ADGRG4: variants seen among roughly 807,000 people sequenced by gnomAD.
The protein encoded by ADGRG4 is adhesion G protein-coupled receptor G4, also known as G protein-coupled receptor 112.
In ADGRG4, 122 loss-of-function variants were observed where a neutral mutation model predicts 126.2. The ratio of observed to expected loss-of-function variants is 0.97; its 90% confidence interval spans 0.83 to 1.12. ADGRG4 has a LOEUF of 1.12. Among genes scored for constraint, ADGRG4 ranks in the 50% most tolerant of loss-of-function variants. The probability of loss-of-function intolerance (pLI) is 0.00; values close to 1 mark genes in which losing one functional copy is unlikely to be tolerated. For missense variants in ADGRG4, 2,481 were observed against 2,251.8 expected (o/e 1.10, Z -2.06); for synonymous variants, 943 against 838.7 (o/e 1.12, Z -2.15).
intron 3 of ADGRG4, among the ~76,000 whole-genome samples, chrX:136,305,403 C>T (rs986255425): frequency 1.8e-5 from 2 of 111,487 alleles, no homozygotes; most frequent in African/African-American, 3.3e-5. Context: ...AGTCATTCTA[C>T]CCTTGGGACC....
At chrX:136,325,495 T>C (rs765087349) in intron 5 of ADGRG4, among the ~76,000 whole-genome samples, 1 of 111,832 alleles carries the variant, frequency 8.9e-6, no homozygotes, top group South Asian at 3.7e-4. Flanking sequence ...AGGTTAAGCC[T>C]GAACAGCTCA....
intron 9 of ADGRG4, among the ~76,000 whole-genome samples, chrX:136,356,823 C>A (rs988010350): frequency 4.5e-5 from 5 of 111,498 alleles, no homozygotes; most frequent in Non-Finnish European, 7.5e-5. Context: ...CATGGGGAGA[C>A]CCCATCTCTA....
In ADGRG4 at chrX:136,346,733, G is replaced by A; in HGVS notation, c.3027G>A (p.Val1009=). 1.7e-6 allele frequency: 2 copies of A among 1,210,343 alleles called. No homozygotes were observed. Among genetic ancestry groups the A allele is most frequent in the Non-Finnish European group, 2.2e-6 (2 of 894,525 alleles). The change falls in exon 6 of 26, where the codon GTG becomes GTA. Residue 1009 remains valine (V), a synonymous_variant. Coordinates refer to ENST00000394143, the MANE Select transcript of ADGRG4 (RefSeq NM_153834.4). ...PTAAHSSATP[V]PVTHMFSLPV... ...CTGCTCATTCCTCAGCAACCCCTGT[G>A]CCTGTTACTCATATGTTCTCATTGC...
rs1289469393 is a variant in ADGRG4, at chrX:136,346,848, C to T, written c.3142C>T (p.Leu1048Phe). 1.7e-6 allele frequency: 2 copies of T among 1,207,185 alleles called. No individual in the cohort carries two copies. Among genetic ancestry groups the T allele is most frequent in the Admixed American group, 4.4e-5 (2 of 45,697 alleles). ...TLARAFSTSV[L>F]SDVSNLSSTT... Reference sequence around the variant, plus strand: ...GGCCAGGGCTTTTTCTACATCTGTGCTCTCAGATGTCTCAAATCTATCCTC... The same window carrying T: ...GGCCAGGGCTTTTTCTACATCTGTGTTCTCAGATGTCTCAAATCTATCCTC... Residue 1048 changes from leucine to phenylalanine, a missense_variant, in exon 6 of 26, where the codon CTC (leucine) becomes TTC (phenylalanine). Physicochemically the swap from Leu to Phe is conservative, Grantham distance 22. Coordinates refer to ENST00000394143, the MANE Select transcript of ADGRG4 (RefSeq NM_153834.4).
At chrX:136,407,669 T>C (rs1038149918) in intron 23 of ADGRG4, among the ~76,000 whole-genome samples, 1 of 112,202 alleles carries the variant, frequency 8.9e-6, no homozygotes, top group African/African-American at 3.2e-5. Context: ...TCACAAAATA[T>C]GTTGTTCTTC....
intron 4 of ADGRG4, among the ~76,000 whole-genome samples, chrX:136,314,354 C>T (rs1349335981): frequency 8.9e-6 from 1 of 111,909 alleles, no homozygotes; most frequent in African/African-American, 3.2e-5. Context: ...AAAAGCACTA[C>T]ATGATCTGAT....
chrX:136,403,309 C>G lies in ADGRG4; in HGVS notation c.8641C>G (p.Pro2881Ala). 8.3e-7 allele frequency: 1 copy of G among 1,198,644 alleles called. No individual in the cohort carries two copies. The highest frequency in any genetic ancestry group is 1.1e-6 in the Non-Finnish European group (1 of 883,877). The change falls in exon 22 of 26, where the codon CCA becomes GCA. Residue 2881 changes from proline (P) to alanine (A), a missense_variant. Physicochemically the swap from Pro to Ala is conservative, Grantham distance 27. Transcript: ENST00000394143. ...AAAAGATCTGTATGGAACTCTGAGC[C>G]CAACAACTCCGTTGTAAGTACCAGC... ...VKKDLYGTLS[P>A]TTPFCWIKDD...
intron 13 of ADGRG4, among the ~76,000 whole-genome samples, chrX:136,365,728 A>T (rs1482198235): frequency 1.8e-5 from 2 of 112,075 alleles, no homozygotes; most frequent in African/African-American, 6.5e-5. Flanking sequence ...CCTTGTAAAC[A>T]CTTATTACTA....
intron 11 of ADGRG4, 31 bp downstream of exon 11, chrX:136,359,486 AT>A (rs1474848194): frequency 9.3e-7 from 1 of 1,080,225 alleles, no homozygotes; most frequent in Non-Finnish European, 1.3e-6. Context: ...ATATTGCAGT[AT>A]GAACTTACTT....
Position 136,344,987 on chromosome X carries a change from A to G in ADGRG4, c.1281A>G (p.Ala427=). The G allele has an allele frequency of 8.3e-7, 1 of 1,210,964 alleles. No individual in the cohort carries two copies. The highest frequency in any genetic ancestry group is 1.1e-6 in the Non-Finnish European group (1 of 895,075). ...CLKQKSTNTG[A]LPISTAGQEF... is the part of the protein sequence containing the mutation. ...AACAAAAATCCACAAATACTGGGGCACTCCCTATCTCCACAGCTGGCCAGG... is the reference window on the plus strand; with the variant it reads ...AACAAAAATCCACAAATACTGGGGCGCTCCCTATCTCCACAGCTGGCCAGG... Residue 427 remains alanine (A), a synonymous_variant, in exon 6 of 26, where the codon GCA becomes GCG. Coordinates refer to ENST00000394143, the MANE Select transcript of ADGRG4 (RefSeq NM_153834.4).
Position 136,405,956 on chromosome X carries a change from T to A in ADGRG4, c.8919T>A (p.Ile2973=), listed in dbSNP as rs1357187771. 6 of 1,125,930 alleles carry A rather than the reference T, an allele frequency of 5.3e-6. No homozygotes were observed. Among genetic ancestry groups the A allele is most frequent in the Non-Finnish European group, 7.0e-6 (6 of 851,589 alleles). 92.8% of individuals were successfully genotyped at this position (1,125,930 alleles called of 1,213,427 possible). The change falls in exon 23 of 26, where the codon ATT becomes ATA. Residue 2973 remains isoleucine (I), a synonymous_variant. Transcript: ENST00000394143. ...ACTTTTTCTTGTATTTGTTTGCCAT[T>A]TTTAACACTTTGCAAGGTAACTGGT... ...MRNFFLYLFA[I]FNTLQGFFIF... is the part of the protein sequence containing the mutation.
chrX:136,312,580 C>A (rs1466145934), intron 4 of ADGRG4, among the ~76,000 whole-genome samples: 1 of 111,626 alleles, frequency 9.0e-6, no homozygotes, highest in East Asian at 2.8e-4. Flanking sequence ...GAGTTAAGAT[C>A]GCGTCATTGC....
intron 9 of ADGRG4, among the ~76,000 whole-genome samples, chrX:136,356,766 G>A (rs2075096155): frequency 8.9e-6 from 1 of 112,312 alleles, no homozygotes; most frequent in Non-Finnish European, 1.9e-5. Context: ...GGGAGGCTGA[G>A]GTGGGAGGAT....
At chrX:136,383,370 C>T (rs2075273544) in intron 15 of ADGRG4, among the ~76,000 whole-genome samples, 1 of 111,713 alleles carries the variant, frequency 9.0e-6, no homozygotes. Flanking sequence ...TAATACTAAT[C>T]CTACCCCTAA....
At chrX:136,374,419 A>T (rs1288855966) in intron 15 of ADGRG4, among the ~76,000 whole-genome samples, 1 of 110,510 alleles carries the variant, frequency 9.0e-6, no homozygotes, top group Non-Finnish European at 1.9e-5. Context: ...GTACATGTTT[A>T]TTATTTATTT....
Position 136,369,336 on chromosome X carries a change from G to A in ADGRG4, c.7397-1992G>A, listed in dbSNP as rs775936623. Among the ~76,000 whole-genome samples, 142 of 112,282 alleles carry A rather than the reference G, an allele frequency of 1.3e-3. 1 individual carries two copies. The highest frequency in any genetic ancestry group is 4.5e-3 in the African/African-American group (139 of 30,963). On this transcript the variant is annotated intron_variant, in intron 13 of 25. Transcript: ENST00000394143. ...AATTACTGGCAGATTAACTGTAACA[G>A]TATTTCAAGGAATGAGGATCAATTT...
At chrX:136,392,802 A>C (rs887940278) in intron 17 of ADGRG4, among the ~76,000 whole-genome samples, 1 of 112,238 alleles carries the variant, frequency 8.9e-6, no homozygotes, top group African/African-American at 3.2e-5. Context: ...CTTTAGCCTA[A>C]GTACAAGTAT....
At chrX:136,372,436 A>G (rs2075200824) in intron 14 of ADGRG4, among the ~76,000 whole-genome samples, 1 of 111,890 alleles carries the variant, frequency 8.9e-6, no homozygotes, top group Admixed American at 9.5e-5. Context: ...TCTATGGGTC[A>G]TCTTCTACAT....
Position 136,370,891 on chromosome X carries a change from C to CT in ADGRG4, c.7397-428dup, listed in dbSNP as rs199659875. Among the ~76,000 whole-genome samples the CT allele has an allele frequency of 6.5e-3, 717 of 109,609 alleles. 8 individuals are homozygous for CT. The highest frequency in any genetic ancestry group is 0.023 in the African/African-American group (681 of 30,238). On this transcript the variant is annotated intron_variant, in intron 13 of 25. Transcript: ENST00000394143. ...TTTATTATGACGTAGTCCATATTTG[C>CT]TTTTTTTTTCCTGTGGTTTGATGGT...
Sources: allele counts gnomAD v4.1 joint callset (sites outside exome capture counted in the v4.1 genomes callset), GRCh38; gene constraint gnomAD v4.1.1; transcripts MANE v1.5; gene names NCBI Gene and HGNC (gene_info 2026-07-23, HGNC 2026-07-21).